The following ZRANB3 variants were observed in gnomAD, a reference collection of about 807,000 sequenced individuals.
ZRANB3 encodes DNA annealing helicase and endonuclease ZRANB3.
Under a neutral mutation model 133.8 loss-of-function variants are expected in ZRANB3, and 125 were observed. The observed-to-expected ratio is 0.93, with a 90% CI of 0.81 to 1.08. The LOEUF is 1.08. Ranked by LOEUF, ZRANB3 falls within the 50% of genes least tolerant of loss-of-function variation. The pLI, the probability that ZRANB3 is intolerant of heterozygous loss-of-function variation, is 0.00. For synonymous variants in ZRANB3, 387 were observed against 432.7 expected, an observed-to-expected ratio of 0.89 and a Z score of 1.31; for missense variants, 1,229 against 1,275.5, an observed-to-expected ratio of 0.96 and a Z score of 0.56.
intron 3 of ZRANB3, among the ~76,000 whole-genome samples, chr2:135,390,563 G>A (rs1687178017): frequency 6.6e-6 from 1 of 151,962 alleles, no homozygotes; most frequent in South Asian, 2.1e-4. Flanking sequence ...ACAATTTGGG[G>A]TCACTAATGT....
intron 2 of ZRANB3, among the ~76,000 whole-genome samples, chr2:135,469,497 T>G (rs1298715970): frequency 6.6e-6 from 1 of 152,194 alleles, no homozygotes; most frequent in Non-Finnish European, 1.5e-5. Flanking sequence ...AAATTCATTT[T>G]TTAAATCTGG....
At chr2:135,379,478 G>A (rs1686587173) in intron 3 of ZRANB3, among the ~76,000 whole-genome samples, 1 of 152,150 alleles carries the variant, frequency 6.6e-6, no homozygotes, top group Non-Finnish European at 1.5e-5. Context: ...TTCACTTGAG[G>A]TCAAATATCA....
intron 3 of ZRANB3, among the ~76,000 whole-genome samples, chr2:135,357,064 C>T (rs1685471578): frequency 6.6e-6 from 1 of 152,028 alleles, no homozygotes; most frequent in Non-Finnish European, 1.5e-5. Context: ...TTTGAAACGT[C>T]TTTTTGTCCA....
intron 3 of ZRANB3, among the ~76,000 whole-genome samples, chr2:135,375,414 G>A (rs571557010): frequency 1.8e-4 from 28 of 152,176 alleles, no homozygotes; most frequent in South Asian, 6.2e-4. Flanking sequence ...GGCCGGGCAC[G>A]GTGGCTCACT....
intron 3 of ZRANB3, among the ~76,000 whole-genome samples, chr2:135,359,356 G>T (rs145520785): frequency 9.9e-5 from 15 of 152,244 alleles, no homozygotes; most frequent in Non-Finnish European, 1.9e-4. Context: ...GGCCGAGGCA[G>T]CAGGACTGCT....
intron 3 of ZRANB3, among the ~76,000 whole-genome samples, chr2:135,375,517 C>A (rs1686382300): frequency 6.6e-6 from 1 of 152,100 alleles, no homozygotes; most frequent in South Asian, 2.1e-4. Context: ...AACCCCGTCT[C>A]TACTAAAAAT....
At chr2:135,481,162 C>G (rs1334349731) in intron 2 of ZRANB3, among the ~76,000 whole-genome samples, 1 of 151,132 alleles carries the variant, frequency 6.6e-6, no homozygotes, top group African/African-American at 2.4e-5. Flanking sequence ...ATGGTATTTC[C>G]AGTTCTAGAT....
chr2:135,285,423 G>A (rs1344517767), intron 8 of ZRANB3, among the ~76,000 whole-genome samples: 2 of 152,110 alleles, frequency 1.3e-5, no homozygotes, highest in Non-Finnish European at 1.5e-5. Flanking sequence ...GATCCTTTCC[G>A]AAACTACAGA....
At chr2:135,419,227 G>C (rs562154255) in intron 2 of ZRANB3, among the ~76,000 whole-genome samples, 7 of 151,538 alleles carry the variant, frequency 4.6e-5, no homozygotes, top group African/African-American at 1.7e-4. Flanking sequence ...CTGAGCCACC[G>C]CACCTAGGCT....
chr2:135,433,991 G>A (rs896699877), intron 2 of ZRANB3, among the ~76,000 whole-genome samples: 5 of 151,586 alleles, frequency 3.3e-5, no homozygotes, highest in East Asian at 3.9e-4. Flanking sequence ...GCAAGACTCC[G>A]TCTCAAAACA....
intron 2 of ZRANB3, among the ~76,000 whole-genome samples, chr2:135,456,313 C>T (rs942479022): frequency 2.6e-5 from 4 of 152,176 alleles, no homozygotes; most frequent in African/African-American, 4.8e-5. Flanking sequence ...CTAGGTTCTC[C>T]ATCTAGCTGG....
At chr2:135,526,646 G>T (rs1428511907) in intron 1 of ZRANB3, among the ~76,000 whole-genome samples, 41 of 152,074 alleles carry the variant, frequency 2.7e-4, no homozygotes, top group Non-Finnish European at 5.9e-5. Context: ...ATATTTCCTT[G>T]CCATACCTTA....
At chr2:135,471,267 TG>T (rs1315183373) in intron 2 of ZRANB3, among the ~76,000 whole-genome samples, 1 of 152,200 alleles carries the variant, frequency 6.6e-6, no homozygotes, top group Non-Finnish European at 1.5e-5. Flanking sequence ...CTGGTATTCT[TG>T]GGATCTTTCA....
At chr2:135,308,986 T>TTA (rs1682841384) in intron 8 of ZRANB3, among the ~76,000 whole-genome samples, 1 of 151,186 alleles carries the variant, frequency 6.6e-6, no homozygotes, top group Non-Finnish European at 1.5e-5. Flanking sequence ...ACATCATTTT[T>TTA]TTTTTTTTTT....
At chr2:135,400,073 C>T (rs1275568775) in intron 2 of ZRANB3, among the ~76,000 whole-genome samples, 1 of 151,960 alleles carries the variant, frequency 6.6e-6, no homozygotes, top group African/African-American at 2.4e-5. Context: ...AAACCCATCT[C>T]TACTGAGAGT....
chr2:135,529,999 G>A (rs997791324), intron 1 of ZRANB3, among the ~76,000 whole-genome samples: 11 of 151,296 alleles, frequency 7.3e-5, no homozygotes, highest in Non-Finnish European at 1.5e-4. Flanking sequence ...AGGCCAAGGT[G>A]GGCGGATCAC....
At chr2:135,348,545 A>G (rs556751867) in intron 5 of ZRANB3, among the ~76,000 whole-genome samples, 124 of 152,316 alleles carry the variant, frequency 8.1e-4, no homozygotes, top group African/African-American at 2.7e-3. Flanking sequence ...GATTATAAGT[A>G]GATGAGTATT....
chr2:135,519,687 T>C (rs1229839248), intron 1 of ZRANB3, among the ~76,000 whole-genome samples: 2 of 152,228 alleles, frequency 1.3e-5, no homozygotes, highest in Non-Finnish European at 2.9e-5. Flanking sequence ...CATTTTTTCA[T>C]GCATTCAACA....
chr2:135,513,315 A>G (rs1331683284), intron 1 of ZRANB3, among the ~76,000 whole-genome samples: 2 of 152,204 alleles, frequency 1.3e-5, no homozygotes, highest in Non-Finnish European at 2.9e-5. Flanking sequence ...AAAATTTACT[A>G]CAAAGTGACA....
Sources: gnomAD v4.1 joint callset for allele counts (sites outside exome capture counted in the v4.1 genomes callset) on GRCh38, gnomAD v4.1.1 for gene constraint, MANE v1.5 for transcripts, NCBI Gene and HGNC (gene_info 2026-07-23, HGNC 2026-07-21) for gene names.